Variants in RAB20 observed in about 807,000 individuals in gnomAD.
RAB20 encodes the protein ras-related protein Rab-20.
RAB20 carries 2 observed loss-of-function variants against 3.7 expected under a neutral mutation model. The ratio of observed to expected loss-of-function variants is 0.54; its 90% CI spans 0.22 to 1.69. The LOEUF is 1.69. Among genes scored for constraint, RAB20 ranks in the 40% most tolerant of loss-of-function variants. The probability of loss-of-function intolerance (pLI) is 0.19; values close to 1 mark genes in which losing one functional copy is unlikely to be tolerated. For synonymous variants in RAB20, 126 were observed against 130.8 expected (o/e 0.96, Z 0.25); for missense variants, 276 against 311.9 (o/e 0.88, Z 0.87).
intron 1 of RAB20, among the ~76,000 whole-genome samples, chr13:110,554,431 G>A (rs1283246387): frequency 3.9e-5 from 6 of 152,160 alleles, no homozygotes; most frequent in Admixed American, 6.5e-5. Flanking sequence ...GGAGAGAGGT[G>A]GGGGCTCGCG....
chr13:110,560,004 A>G (rs947785282), intron 1 of RAB20, among the ~76,000 whole-genome samples: 1 of 152,248 alleles, frequency 6.6e-6, no homozygotes, highest in Non-Finnish European at 1.5e-5. Context: ...CCAGCCAACC[A>G]GCAAAAGCAG....
chr13:110,539,302 G>A (rs1215925846), intron 1 of RAB20, among the ~76,000 whole-genome samples: 1 of 152,110 alleles, frequency 6.6e-6, no homozygotes, highest in Non-Finnish European at 1.5e-5. Context: ...CAGTATTGCA[G>A]TCCTGCTTAA....
rs187061976 is a variant in RAB20 at position 110,550,411 on chromosome 13, G to A, written c.172+10937C>T. Among the ~76,000 whole-genome samples the A allele has an allele frequency of 1.3e-3, 194 of 152,304 alleles. 1 individual carries two copies. The highest frequency in any genetic ancestry group is 2.2e-3 in the Non-Finnish European group (149 of 68,036). ...GTGGGAACCCCCACCTGAAGCCGGTGGATCAGAAATTCCAGATGCCTGGAA... is the reference window on the plus strand; with the variant it reads ...GTGGGAACCCCCACCTGAAGCCGGTAGATCAGAAATTCCAGATGCCTGGAA... On this transcript the variant is annotated intron_variant, in intron 1 of 1. Transcript: ENST00000267328.
At chr13:110,539,059 T>C (rs1024057038) in intron 1 of RAB20, among the ~76,000 whole-genome samples, 3 of 152,154 alleles carry the variant, frequency 2.0e-5, no homozygotes, top group Non-Finnish European at 2.9e-5. Flanking sequence ...AATTAATCAA[T>C]CACAGGAAGA....
intron 1 of RAB20, among the ~76,000 whole-genome samples, chr13:110,538,238 C>CAAAAAAAAAAAA (rs570075617): frequency 1.3e-5 from 1 of 78,524 alleles, no homozygotes; most frequent in Admixed American, 1.4e-4. Context: ...GACCTTGTCT[C>CAAAAAAAAAAAA]AAAAAAAAAA....
chr13:110,552,437 T>C (rs920947129), intron 1 of RAB20, among the ~76,000 whole-genome samples: 1 of 150,992 alleles, frequency 6.6e-6, no homozygotes, highest in African/African-American at 2.4e-5. Context: ...CTCACGCCTG[T>C]AATCCCAGCA....
chr13:110,558,305 G>A (rs1439646490), intron 1 of RAB20, among the ~76,000 whole-genome samples: 1 of 151,996 alleles, frequency 6.6e-6, no homozygotes, highest in Non-Finnish European at 1.5e-5. Flanking sequence ...CCCCTAAAAG[G>A]GCATAATGAG....
chr13:110,561,617 C>A lies in RAB20; in HGVS notation c.-98G>T. ...CTGGAGGAGCGGACCCCGGACTCGC[C>A]GGGACCCGGATTCTCGTGAACGCTC... On this transcript the variant is annotated 5_prime_UTR_variant, in exon 1 of 2. Transcript: ENST00000267328. The A allele has an allele frequency of 2.0e-6, 3 of 1,479,568 alleles. No individual in the cohort carries two copies. The highest frequency in any genetic ancestry group is 1.8e-6 in the Non-Finnish European group (2 of 1,117,894). The allele number at this position is 1,479,568 out of a possible 1,614,324, so 91.7% of individuals were successfully genotyped here.
chr13:110,534,020 G>A (rs1198457810), intron 1 of RAB20, among the ~76,000 whole-genome samples: 2 of 152,172 alleles, frequency 1.3e-5, no homozygotes, highest in Non-Finnish European at 2.9e-5. Flanking sequence ...ACCGTGATGG[G>A]GAACTGTATC....
intron 1 of RAB20, among the ~76,000 whole-genome samples, chr13:110,554,251 A>C (rs331598): frequency 0.94 from 143,786 of 152,372 alleles, 67,904 homozygotes; most frequent in African/African-American, 0.97. Context: ...AAAGTGCCGA[A>C]TGTCAGCCAG....
At position 110,523,318 on chromosome 13, in the gene RAB20, G is replaced by A. The variant is rs1020997014; in HGVS notation, c.*347C>T. On this transcript the variant is annotated 3_prime_UTR_variant, in exon 2 of 2. Coordinates refer to ENST00000267328, the MANE Select transcript of RAB20 (RefSeq NM_017817.3). The stretch of plus-strand genomic sequence containing the variant: ...TGCTGAAACGGTCAGAGGTGCAGGT[G>A]CAGACGCAGGCTTCTGCCTCTGCAA... 7.0e-5 allele frequency: 34 copies of A among 486,822 alleles called. No homozygotes were observed. Among genetic ancestry groups the A allele is most frequent in the African/African-American group, 4.3e-4 (22 of 51,424 alleles). The allele number at this position is 486,822 out of a possible 1,614,324, so 30.2% of individuals were successfully genotyped here.
intron 1 of RAB20, among the ~76,000 whole-genome samples, chr13:110,541,858 G>A (rs1207252932): frequency 1.4e-5 from 2 of 145,826 alleles, no homozygotes; most frequent in Non-Finnish European, 3.0e-5. Context: ...ATACATGCAC[G>A]TACATGCCAT....
At chr13:110,524,675 G>A (rs114734604) in intron 1 of RAB20, among the ~76,000 whole-genome samples, 1,942 of 152,294 alleles carry the variant, frequency 0.013, 43 homozygotes, top group African/African-American at 0.044. Context: ...CCCCCTGGGT[G>A]CTCCCAGCTG....
chr13:110,551,380 G>A (rs543305869), intron 1 of RAB20, among the ~76,000 whole-genome samples: 13 of 152,336 alleles, frequency 8.5e-5, no homozygotes, highest in Non-Finnish European at 1.5e-4. Context: ...TGTGAGAACC[G>A]AGCAAAGACA....
intron 1 of RAB20, among the ~76,000 whole-genome samples, chr13:110,536,730 G>C (rs1015501018): frequency 2.2e-5 from 2 of 89,312 alleles, no homozygotes; most frequent in Admixed American, 2.3e-4. Flanking sequence ...TTGGGGCGGT[G>C]GGGGGGGGTT....
At chr13:110,547,351 G>T (rs7993489) in intron 1 of RAB20, among the ~76,000 whole-genome samples, 1 of 152,238 alleles carries the variant, frequency 6.6e-6, no homozygotes. Flanking sequence ...CGGGGAAAGC[G>T]TTAACAGGAA....
intron 1 of RAB20, among the ~76,000 whole-genome samples, chr13:110,524,521 C>A (rs966500950): frequency 6.6e-6 from 1 of 152,062 alleles, no homozygotes; most frequent in African/African-American, 2.4e-5. Flanking sequence ...TGGCCCCAGC[C>A]ATGGCTGGAG....
At chr13:110,527,113 A>C (rs1884443560) in intron 1 of RAB20, among the ~76,000 whole-genome samples, 1 of 152,148 alleles carries the variant, frequency 6.6e-6, no homozygotes, top group African/African-American at 2.4e-5. Flanking sequence ...TTTAGAGCCA[A>C]ATAGCCAAGA....
intron 1 of RAB20, among the ~76,000 whole-genome samples, chr13:110,533,953 C>A (rs59098701): frequency 6.6e-6 from 1 of 152,130 alleles, no homozygotes; most frequent in Non-Finnish European, 1.5e-5. Flanking sequence ...GGCCCTCCCC[C>A]CAGAACCCAC....
Sources: allele counts gnomAD v4.1 joint callset (sites outside exome capture counted in the v4.1 genomes callset), GRCh38; gene constraint gnomAD v4.1.1; transcripts MANE v1.5; gene names NCBI Gene and HGNC (gene_info 2026-07-23, HGNC 2026-07-21).